SOBP: variants seen among roughly 807,000 people sequenced by gnomAD.
SOBP encodes sine oculis-binding protein homolog.
SOBP carries 4 observed loss-of-function variants against 53.6 expected under a neutral mutation model. The ratio of observed to expected loss-of-function variants is 0.07; its 90% confidence interval spans 0.04 to 0.17. The LOEUF is 0.17. SOBP is among the 10% of genes least tolerant of loss of function. The probability of loss-of-function intolerance (pLI) is 1.00; values close to 1 mark genes in which losing one functional copy is unlikely to be tolerated. For missense variants in SOBP, 1,088 were observed against 1,204.7 expected, an observed-to-expected ratio of 0.90 and a Z score of 1.43; for synonymous variants, 584 against 522.6, an observed-to-expected ratio of 1.12 and a Z score of -1.60.
At chr6:107,577,539 G>A (rs774684008) in intron 4 of SOBP, among the ~76,000 whole-genome samples, 1 of 152,158 alleles carries the variant, frequency 6.6e-6, no homozygotes. Context: ...TTTATATACC[G>A]AATGCCAGGA....
intron 4 of SOBP, among the ~76,000 whole-genome samples, chr6:107,556,718 T>C (rs1014723393): frequency 3.3e-5 from 5 of 152,182 alleles, no homozygotes; most frequent in African/African-American, 1.2e-4. Flanking sequence ...GAATAAGAGG[T>C]AGAACGGAAA....
intron 3 of SOBP, among the ~76,000 whole-genome samples, chr6:107,520,642 G>T (rs569008527): frequency 6.6e-6 from 1 of 152,328 alleles, no homozygotes; most frequent in South Asian, 2.1e-4. Flanking sequence ...GAAATAAGAG[G>T]AAATGTCAGC....
chr6:107,614,055 G>T (rs1329496637), intron 5 of SOBP, among the ~76,000 whole-genome samples: 1 of 152,210 alleles, frequency 6.6e-6, no homozygotes, highest in Non-Finnish European at 1.5e-5. Flanking sequence ...AAATGGAAGT[G>T]TAAGGCAGAG....
rs1770908922 is a variant in SOBP, at chr6:107,634,637, C to T, written c.1793C>T (p.Pro598Leu). The T allele has an allele frequency of 1.3e-6, 2 of 1,576,606 alleles. No individual in the cohort carries two copies. Among genetic ancestry groups the T allele is most frequent in the Non-Finnish European group, 1.7e-6 (2 of 1,167,722 alleles). The change falls in exon 6 of 7, where the codon CCC becomes CTC. Residue 598 changes from proline to leucine, a missense_variant. By Grantham distance (98) the Pro-to-Leu change is moderately conservative. Around this residue, in one of 6 missense-constraint regions of SOBP, gnomAD observed 665 missense variants for 629.7 expected, o/e 1.06. Transcript: ENST00000317357. The surrounding 1 kb of genome is among the most constrained non-coding windows in gnomAD (Gnocchi z 4.5). The part of the protein sequence containing the change: ...KQGSSKSADS[P>L]PGCSGQALSL... ...GGCTCGTCCAAGTCCGCGGACTCGC[C>T]CCCCGGCTGCTCGGGCCAGGCCCTG...
intron 4 of SOBP, among the ~76,000 whole-genome samples, chr6:107,558,569 A>G (rs190112242): frequency 1.6e-4 from 25 of 151,984 alleles, no homozygotes; most frequent in African/African-American, 5.5e-4. Flanking sequence ...CGCCCGGCCT[A>G]AAGATCTAGT....
In SOBP at chr6:107,607,414, C is replaced by T. The variant is rs138403621; in HGVS notation, c.669+20239C>T. Among the ~76,000 whole-genome samples, 238 of 152,346 alleles carry T rather than the reference C, an allele frequency of 1.6e-3. 1 individual carries two copies. The East Asian group carries it at 0.018, about 12-fold the overall frequency. ...ATTCAGCTCCCAAGGAACACTGGTG[C>T]GCCTCCAGCTGGCCCCTCGTGCTTT... On this transcript the variant is annotated intron_variant, in intron 5 of 6. Transcript: ENST00000317357.
intron 4 of SOBP, among the ~76,000 whole-genome samples, chr6:107,578,598 A>G (rs190099709): frequency 2.7e-4 from 41 of 152,350 alleles, no homozygotes; most frequent in Admixed American, 2.5e-3. Context: ...TACCTACTTC[A>G]TAAGTCATTT....
intron 4 of SOBP, among the ~76,000 whole-genome samples, chr6:107,559,488 A>T (rs1358080709): frequency 6.6e-6 from 1 of 152,260 alleles, no homozygotes; most frequent in Non-Finnish European, 1.5e-5. Context: ...AACAATAGAA[A>T]CAGGCATGAA....
chr6:107,501,978 C>T (rs1047505949), intron 1 of SOBP, among the ~76,000 whole-genome samples: 2 of 152,132 alleles, frequency 1.3e-5, no homozygotes, highest in African/African-American at 4.8e-5. Flanking sequence ...ATCAATCTGG[C>T]TAGTTTTTTC....
In SOBP at chr6:107,566,156, C is replaced by T. The variant is rs547709333; in HGVS notation, c.574-20924C>T. ...ACTGAACAGATAGCATTGTCTAATC[C>T]GTACATTTAGTGGTGATTTCAGGTG... On this transcript the variant is annotated intron_variant, in intron 4 of 6. Coordinates refer to ENST00000317357, the MANE Select transcript of SOBP (RefSeq NM_018013.4). Among the ~76,000 whole-genome samples the T allele has an allele frequency of 5.3e-5, 8 of 152,302 alleles. 1 individual carries two copies. Among genetic ancestry groups the T allele is most frequent in the African/African-American group, 1.4e-4 (6 of 41,556 alleles).
intron 4 of SOBP, among the ~76,000 whole-genome samples, chr6:107,547,007 TAGG>T (rs1784319544): frequency 6.6e-6 from 1 of 152,142 alleles, no homozygotes; most frequent in Admixed American, 6.5e-5. Flanking sequence ...GGGTTTATAT[TAGG>T]AGTAGTGTCA....
chr6:107,635,099 C>T lies in SOBP; in HGVS notation c.2255C>T (p.Ala752Val). 3 of 1,601,190 alleles carry T rather than the reference C, an allele frequency of 1.9e-6. No homozygotes were observed. The highest frequency in any genetic ancestry group is 2.6e-6 in the Non-Finnish European group (3 of 1,174,150). Residue 752 changes from alanine to valine, a missense_variant, in exon 6 of 7, where the codon GCG (alanine) becomes GTG (valine). By Grantham distance (64) the Ala-to-Val change is moderately conservative. Around this residue, in one of 6 missense-constraint regions of SOBP, gnomAD observed 665 missense variants for 629.7 expected, o/e 1.06. Coordinates refer to ENST00000317357, the MANE Select transcript of SOBP (RefSeq NM_018013.4). The surrounding 1 kb of genome is among the most constrained non-coding windows in gnomAD (Gnocchi z 4.5). ...PEQPPPPPPPAPPKKLLSPEE... is the reference protein window; with the variant it reads ...PEQPPPPPPPVPPKKLLSPEE... Reference sequence around the variant, plus strand: ...CAGCCGCCGCCGCCGCCGCCGCCCGCGCCCCCCAAGAAGCTGCTGTCGCCT... The same window carrying T: ...CAGCCGCCGCCGCCGCCGCCGCCCGTGCCCCCCAAGAAGCTGCTGTCGCCT...
chr6:107,520,006 A>G (rs1474069816), intron 3 of SOBP, among the ~76,000 whole-genome samples: 1 of 152,214 alleles, frequency 6.6e-6, no homozygotes, highest in African/African-American at 2.4e-5. Context: ...TTTTATGAAC[A>G]TTTGTCTTTT....
At chr6:107,605,451 T>C (rs540592379) in intron 5 of SOBP, among the ~76,000 whole-genome samples, 5 of 152,342 alleles carry the variant, frequency 3.3e-5, no homozygotes, top group Admixed American at 3.3e-4. Flanking sequence ...ATTTGCTAAA[T>C]CAGTGCATTA....
chr6:107,495,638 A>T (rs1041467250), intron 1 of SOBP, among the ~76,000 whole-genome samples: 1 of 152,156 alleles, frequency 6.6e-6, no homozygotes, highest in Non-Finnish European at 1.5e-5. Flanking sequence ...TGTGAAAGAC[A>T]GACTTATAGA....
At position 107,490,441 on chromosome 6, in the gene SOBP, G is replaced by T. The variant is rs1782547079; in HGVS notation, c.-176G>T. 5.2e-6 allele frequency: 3 copies of T among 575,396 alleles called. No individual in the cohort carries two copies. The highest frequency in any genetic ancestry group is 9.3e-6 in the Non-Finnish European group (3 of 323,760). The allele number at this position is 575,396 out of a possible 1,614,324, so 35.6% of individuals were successfully genotyped here. A position where few individuals can be genotyped will look rare whatever the true frequency, so the allele number is the denominator to read the frequency against. Reference sequence around the variant, plus strand: ...ACTGACGTCCTCCGCCGCTAGAAGAGACCCCGCTTCTCGGCGCCTGCCCTC... The same window carrying T: ...ACTGACGTCCTCCGCCGCTAGAAGATACCCCGCTTCTCGGCGCCTGCCCTC... On this transcript the variant is annotated 5_prime_UTR_variant, in exon 1 of 7. Transcript: ENST00000317357.
At chr6:107,528,500 T>C (rs1783728844) in intron 3 of SOBP, among the ~76,000 whole-genome samples, 1 of 152,224 alleles carries the variant, frequency 6.6e-6, no homozygotes, top group Non-Finnish European at 1.5e-5. Context: ...AATGTTTAAG[T>C]AGCACTTGCT....
intron 4 of SOBP, among the ~76,000 whole-genome samples, chr6:107,539,240 A>G (rs190115921): frequency 1.4e-4 from 21 of 152,378 alleles, no homozygotes; most frequent in African/African-American, 4.1e-4. Context: ...ATTCTAACCC[A>G]TTAGCCAGAA....
Position 107,490,970 on chromosome 6 carries a change from C to T in SOBP, c.96+258C>T, listed in dbSNP as rs114521467. On this transcript the variant is annotated intron_variant, in intron 1 of 6. Coordinates refer to ENST00000317357, the MANE Select transcript of SOBP (RefSeq NM_018013.4). ...TACGAATCCCAGGTTGGCACGGACG[C>T]GTTTCAGGGCGAGGGCACCGGGGAC... 5.4e-3 allele frequency among the ~76,000 whole-genome samples: 819 copies of T among 152,142 alleles called. 6 individuals are homozygous for T. The highest frequency in any genetic ancestry group is 0.018 in the African/African-American group (749 of 41,530).
Sources: allele counts gnomAD v4.1 joint callset (sites outside exome capture counted in the v4.1 genomes callset), GRCh38; gene constraint gnomAD v4.1.1; regional missense constraint gnomAD v4.1.1; non-coding constraint Gnocchi (gnomAD v3.1); transcripts MANE v1.5; gene names NCBI Gene and HGNC (gene_info 2026-07-23, HGNC 2026-07-21).